Variants in CPNE4 observed in about 807,000 individuals in gnomAD.
CPNE4 encodes the protein copine-4.
In CPNE4, 25 loss-of-function variants were observed where a neutral mutation model predicts 67.9. That is an observed-to-expected ratio of 0.37 (90% CI 0.27 to 0.51). The LOEUF is 0.51. Among genes scored for constraint, CPNE4 ranks in the 20% least tolerant of loss-of-function variants. The probability of loss-of-function intolerance (pLI) is 0.93; values close to 1 mark genes in which losing one functional copy is unlikely to be tolerated. For missense variants in CPNE4, 464 were observed against 690.8 expected (o/e 0.67, Z 3.68); for synonymous variants, 242 against 244.9 (o/e 0.99, Z 0.11).
chr3:131,941,935 T>G (rs1481125743), intron 1 of CPNE4, among the ~76,000 whole-genome samples: 1 of 152,116 alleles, frequency 6.6e-6, no homozygotes, highest in East Asian at 1.9e-4. Flanking sequence ...CTCATGTTAC[T>G]AGAATGTTTA....
intron 7 of CPNE4, among the ~76,000 whole-genome samples, chr3:131,659,130 A>T (rs12492803): frequency 0.07 from 10,673 of 152,270 alleles, 864 homozygotes; most frequent in East Asian, 0.36. Flanking sequence ...ATCTCATATT[A>T]AAAATATTTT....
At chr3:131,881,253 A>C (rs2087663551) in intron 2 of CPNE4, among the ~76,000 whole-genome samples, 1 of 152,022 alleles carries the variant, frequency 6.6e-6, no homozygotes, top group African/African-American at 2.4e-5. Flanking sequence ...TACCAATTAT[A>C]CCTTTAGCTT....
chr3:131,792,645 ATG>A (rs1560321566), intron 2 of CPNE4, among the ~76,000 whole-genome samples: 1,614 of 77,518 alleles, frequency 0.021, 43 homozygotes, highest in East Asian at 0.032. Flanking sequence ...ACGTGTATAT[ATG>A]TATATATACA....
At chr3:131,671,459 A>ATGTGTGTGTGTG (rs58195413) in intron 6 of CPNE4, among the ~76,000 whole-genome samples, 2 of 131,254 alleles carry the variant, frequency 1.5e-5, no homozygotes, top group African/African-American at 5.4e-5. Flanking sequence ...GAGTGTACAC[A>ATGTGTGTGTGTG]TGTGTGTGTG....
At chr3:131,777,330 C>T (rs1430694306) in intron 2 of CPNE4, among the ~76,000 whole-genome samples, 1 of 150,820 alleles carries the variant, frequency 6.6e-6, no homozygotes, top group Non-Finnish European at 1.5e-5. Context: ...ATATGTTCAG[C>T]TTTGAATTTT....
At chr3:131,768,386 T>A (rs2083078797) in intron 2 of CPNE4, among the ~76,000 whole-genome samples, 1 of 152,172 alleles carries the variant, frequency 6.6e-6, no homozygotes, top group Admixed American at 6.6e-5. Context: ...GAGCCCAGAA[T>A]GAATCTATCC....
intron 2 of CPNE4, among the ~76,000 whole-genome samples, chr3:131,786,464 T>C (rs2083565156): frequency 6.6e-6 from 1 of 152,180 alleles, no homozygotes; most frequent in Non-Finnish European, 1.5e-5. Context: ...AGAATTTACT[T>C]TGTGACAGAT....
chr3:131,744,273 T>C (rs1417023791), intron 2 of CPNE4, among the ~76,000 whole-genome samples: 2 of 152,082 alleles, frequency 1.3e-5, no homozygotes, highest in African/African-American at 4.8e-5. Flanking sequence ...AGTGATTGGT[T>C]TTTCTCTATT....
intron 2 of CPNE4, among the ~76,000 whole-genome samples, chr3:131,743,702 AG>A (rs2082408080): frequency 6.6e-6 from 1 of 152,184 alleles, no homozygotes; most frequent in South Asian, 2.1e-4. Context: ...ACTGTAAAAT[AG>A]GAAGGGCTGG....
chr3:132,036,559 G>C (rs16838392), upstream of CPNE4, among the ~76,000 whole-genome samples: 4,517 of 152,256 alleles, frequency 0.03, 237 homozygotes, highest in African/African-American at 0.1. Context: ...TTACTTCCAG[G>C]TTTTGTTAAG....
intron 1 of CPNE4, among the ~76,000 whole-genome samples, chr3:131,923,589 C>A (rs929615819): frequency 1.3e-5 from 2 of 151,006 alleles, no homozygotes; most frequent in Non-Finnish European, 2.9e-5. Context: ...CCTATAGTAC[C>A]ACCTACTTGG....
rs538903579 is a variant in CPNE4 at position 131,837,578 on chromosome 3, G to T, written c.180+67686C>A. On this transcript the variant is annotated intron_variant, in intron 2 of 15. Transcript: ENST00000429747. ...GGGATAACACAGGGAGATTTTTTTT[G>T]GGGGGTGAGTGATAGAATAGATCTA... 3.9e-5 allele frequency among the ~76,000 whole-genome samples: 6 copies of T among 151,906 alleles called. No homozygotes were observed. In the South Asian group the frequency reaches 1.2e-3, roughly 32 times the overall value.
intron 1 of CPNE4, among the ~76,000 whole-genome samples, chr3:132,023,507 A>C (rs1187719992): frequency 2.0e-5 from 1 of 50,580 alleles, no homozygotes; most frequent in African/African-American, 7.8e-5. Context: ...TTTTTTTTTG[A>C]GACGGAGTCT....
At chr3:131,546,145 G>T (rs561354508) in intron 14 of CPNE4, among the ~76,000 whole-genome samples, 2 of 152,072 alleles carry the variant, frequency 1.3e-5, no homozygotes, top group Admixed American at 6.6e-5. Flanking sequence ...CTGCTAAAGG[G>T]GTTTGTGGAA....
chr3:131,640,623 A>G (rs1446230386), intron 7 of CPNE4, among the ~76,000 whole-genome samples: 1 of 152,134 alleles, frequency 6.6e-6, no homozygotes, highest in Non-Finnish European at 1.5e-5. Flanking sequence ...TGCAATTCCC[A>G]TCAAAATACA....
In CPNE4 at chr3:132,034,780, C is replaced by T; in HGVS notation, c.-215G>A. 5 of 984,934 alleles carry T rather than the reference C, an allele frequency of 5.1e-6. No homozygotes were observed. In the South Asian group the frequency reaches 2.4e-4, roughly 46 times the overall value. 61.0% of individuals were successfully genotyped at this position (984,934 alleles called of 1,614,324 possible). A position where few individuals can be genotyped will look rare whatever the true frequency, so the allele number is the denominator to read the frequency against. Reference sequence around the variant, plus strand: ...AGGTGCTGAGAGCAGAGTTCGGTCTCTCCGGAAACCCTGACTCCATTCTCG... The same window carrying T: ...AGGTGCTGAGAGCAGAGTTCGGTCTTTCCGGAAACCCTGACTCCATTCTCG... On this transcript the variant is annotated 5_prime_UTR_variant, in exon 1 of 16. Coordinates refer to ENST00000429747, the MANE Select transcript of CPNE4 (RefSeq NM_130808.3).
At chr3:131,598,135 G>A (rs1400431468) in intron 7 of CPNE4, among the ~76,000 whole-genome samples, 1 of 152,136 alleles carries the variant, frequency 6.6e-6, no homozygotes, top group Admixed American at 6.6e-5. Context: ...ACAGCTTTAG[G>A]GATTGTAGAG....
intron 1 of CPNE4, among the ~76,000 whole-genome samples, chr3:131,914,871 G>A (rs1427776470): frequency 6.6e-6 from 1 of 152,088 alleles, no homozygotes; most frequent in Non-Finnish European, 1.5e-5. Flanking sequence ...AGCTACTCAG[G>A]GGGCTGAGGC....
At chr3:132,036,136 C>A (rs2074334325), upstream of CPNE4, among the ~76,000 whole-genome samples, 2 of 152,174 alleles carry the variant, frequency 1.3e-5, no homozygotes, top group Admixed American at 6.5e-5. Flanking sequence ...CATTTTTCTT[C>A]TTTCAGTCAC....
Sources: gnomAD v4.1 joint callset for allele counts (sites outside exome capture counted in the v4.1 genomes callset) on GRCh38, gnomAD v4.1.1 for gene constraint, MANE v1.5 for transcripts, NCBI Gene and HGNC (gene_info 2026-07-23, HGNC 2026-07-21) for gene names.